MYO3B: variants seen among roughly 807,000 people sequenced by gnomAD.
MYO3B encodes the protein myosin-IIIb.
MYO3B carries 156 observed loss-of-function variants against 174.6 expected under a neutral mutation model. The observed-to-expected ratio is 0.89, with a 90% confidence interval of 0.78 to 1.02. The LOEUF (loss-of-function observed/expected upper bound fraction) is 1.02, where lower values mean the gene tolerates loss of function less well. MYO3B is among the 50% of genes least tolerant of loss of function. The probability of loss-of-function intolerance (pLI) is 0.00; values close to 1 mark genes in which losing one functional copy is unlikely to be tolerated. For synonymous variants in MYO3B, 563 were observed against 569.1 expected, an observed-to-expected ratio of 0.99 and a Z score of 0.15; for missense variants, 1,632 against 1,639.4, an observed-to-expected ratio of 1.00 and a Z score of 0.08.
chr2:170,384,842 T>A (rs982741697), intron 12 of MYO3B, among the ~76,000 whole-genome samples: 3 of 152,152 alleles, frequency 2.0e-5, no homozygotes, highest in African/African-American at 7.2e-5. Flanking sequence ...TGACACTACC[T>A]GGAGTTAGCA....
At chr2:170,456,898 C>T (rs560170171) in intron 23 of MYO3B, among the ~76,000 whole-genome samples, 13 of 152,154 alleles carry the variant, frequency 8.5e-5, no homozygotes, top group Non-Finnish European at 1.5e-4. Context: ...ATAGAGTGTG[C>T]TTACACAAAC....
intron 7 of MYO3B, among the ~76,000 whole-genome samples, chr2:170,325,514 A>G (rs1394223815): frequency 5.3e-5 from 8 of 152,112 alleles, no homozygotes; most frequent in Admixed American, 2.6e-4. Flanking sequence ...GGCCTAAGTT[A>G]AACATTCTTT....
Position 170,392,436 on chromosome 2 carries a change from T to C in MYO3B, c.1732T>C (p.Tyr578His). 6.2e-7 allele frequency: 1 copy of C among 1,600,910 alleles called. No individual in the cohort carries two copies. Among genetic ancestry groups the C allele is most frequent in the Non-Finnish European group, 8.5e-7 (1 of 1,171,930 alleles). ...GCACGACATAACTTCCAAGGAGTCT[T>C]ACAGAAGACAATTCGAAGCAATTCA... ...VMHDITSKES[Y>H]RRQFEAIQHC... The change falls in exon 16 of 35, where the codon TAC (tyrosine) becomes CAC (histidine). Residue 578 changes from tyrosine (Y) to histidine (H), a missense_variant. By Grantham distance (83) the Tyr-to-His change is moderately conservative. Transcript: ENST00000408978.
At chr2:170,265,527 G>A (rs1379719016) in intron 7 of MYO3B, among the ~76,000 whole-genome samples, 2 of 152,210 alleles carry the variant, frequency 1.3e-5, no homozygotes, top group Non-Finnish European at 2.9e-5. Context: ...CACAGGCAAG[G>A]TCAGGCTAGG....
intron 31 of MYO3B, 83 bp from the exon 32 acceptor site, chr2:170,543,809 C>T (rs1690285140): frequency 2.8e-6 from 3 of 1,088,426 alleles, no homozygotes; most frequent in African/African-American, 3.1e-5. Flanking sequence ...TTTAAGTGCC[C>T]CTTCATTAAA....
chr2:170,407,949 G>A, intron 22 of MYO3B, 105 bp downstream of exon 22: 1 of 1,373,026 alleles, frequency 7.3e-7, no homozygotes, highest in Non-Finnish European at 1.0e-6. Flanking sequence ...CGCTAACATT[G>A]AACTTCTTTA....
At chr2:170,471,284 A>G (rs1321506794) in intron 25 of MYO3B, among the ~76,000 whole-genome samples, 1 of 152,064 alleles carries the variant, frequency 6.6e-6, no homozygotes, top group African/African-American at 2.4e-5. Flanking sequence ...TCCTGACCTC[A>G]TGTCATCCAC....
intron 25 of MYO3B, among the ~76,000 whole-genome samples, chr2:170,470,354 C>T (rs1222305485): frequency 1.3e-5 from 2 of 152,182 alleles, no homozygotes; most frequent in South Asian, 2.1e-4. Context: ...AATCATACAA[C>T]GTGGCCTTTT....
intron 7 of MYO3B, among the ~76,000 whole-genome samples, chr2:170,285,805 A>T (rs1159434169): frequency 4.8e-5 from 7 of 146,872 alleles, no homozygotes; most frequent in Non-Finnish European, 6.0e-5. Context: ...ATAATGTTGT[A>T]TTTTTTTTTT....
chr2:170,400,083 G>A (rs1225045878), intron 16 of MYO3B, 105 bp from the exon 17 acceptor site: 3 of 1,444,398 alleles, frequency 2.1e-6, no homozygotes, highest in African/African-American at 1.4e-5. Context: ...GGAAAAGAGG[G>A]AGAATGGACT....
intron 7 of MYO3B, among the ~76,000 whole-genome samples, chr2:170,295,938 C>A (rs1298915339): frequency 6.6e-6 from 1 of 152,208 alleles, no homozygotes; most frequent in Non-Finnish European, 1.5e-5. Flanking sequence ...CACTCTGGAC[C>A]TGCTAAGCCA....
intron 32 of MYO3B, chr2:170,640,229 CTG>C (rs1697861915): frequency 6.6e-6 from 1 of 152,184 alleles, no homozygotes; most frequent in Admixed American, 6.5e-5. Flanking sequence ...GTCATGATAT[CTG>C]TATTTTTAAA....
chr2:170,612,583 T>A (rs377493290), intron 32 of MYO3B, among the ~76,000 whole-genome samples: 2 of 152,068 alleles, frequency 1.3e-5, no homozygotes, highest in South Asian at 4.1e-4. Context: ...TAAAATCAAA[T>A]GAGCAACAAG....
At chr2:170,603,304 A>G (rs1694630121) in intron 32 of MYO3B, among the ~76,000 whole-genome samples, 1 of 152,150 alleles carries the variant, frequency 6.6e-6, no homozygotes, top group African/African-American at 2.4e-5. Context: ...TATAAGTGTG[A>G]AGGAAAGCAT....
intron 32 of MYO3B, among the ~76,000 whole-genome samples, chr2:170,548,767 A>G (rs1258197846): frequency 6.6e-6 from 1 of 152,222 alleles, no homozygotes. Context: ...GCTGTAATGC[A>G]GAGCAATCCT....
At chr2:170,435,124 C>T (rs1038437672) in intron 22 of MYO3B, among the ~76,000 whole-genome samples, 1 of 152,234 alleles carries the variant, frequency 6.6e-6, no homozygotes, top group Non-Finnish European at 1.5e-5. Flanking sequence ...CATTACCAGC[C>T]CAACTCACTG....
intron 28 of MYO3B, among the ~76,000 whole-genome samples, chr2:170,504,335 TTA>T (rs1387921442): frequency 1.3e-5 from 2 of 152,232 alleles, no homozygotes; most frequent in Non-Finnish European, 2.9e-5. Context: ...CTAAGATATG[TTA>T]TATATTTTTA....
At chr2:170,459,178 T>C (rs893036586) in intron 23 of MYO3B, among the ~76,000 whole-genome samples, 4 of 152,172 alleles carry the variant, frequency 2.6e-5, no homozygotes, top group Admixed American at 2.6e-4. Flanking sequence ...TTCCACAGCG[T>C]GGAAAGGGAC....
chr2:170,516,306 T>G (rs548572221), intron 29 of MYO3B, among the ~76,000 whole-genome samples: 8 of 152,144 alleles, frequency 5.3e-5, no homozygotes, highest in East Asian at 1.9e-4. Context: ...TTTTGTTGTT[T>G]TTTTTTTCTG....
Sources: allele counts gnomAD v4.1 joint callset (sites outside exome capture counted in the v4.1 genomes callset), GRCh38; gene constraint gnomAD v4.1.1; transcripts MANE v1.5; gene names NCBI Gene and HGNC (gene_info 2026-07-23, HGNC 2026-07-21).